SPOCK3: variants seen among roughly 807,000 people sequenced by gnomAD.
The protein encoded by SPOCK3 is testican-3.
Under a neutral mutation model 56.6 loss-of-function variants are expected in SPOCK3, and 30 were observed. The ratio of observed to expected loss-of-function variants is 0.53; its 90% CI spans 0.40 to 0.72. The LOEUF (loss-of-function observed/expected upper bound fraction) is 0.72, where lower values mean the gene tolerates loss of function less well. Ranked by LOEUF, SPOCK3 falls within the 30% of genes least tolerant of loss-of-function variation. The pLI is 0.00. For synonymous variants in SPOCK3, 196 were observed against 183.3 expected, an observed-to-expected ratio of 1.07 and a Z score of -0.56; for missense variants, 527 against 530.0, an observed-to-expected ratio of 0.99 and a Z score of 0.06.
chr4:167,055,725 T>C (rs1287484059), intron 3 of SPOCK3, among the ~76,000 whole-genome samples: 1 of 152,160 alleles, frequency 6.6e-6, no homozygotes, highest in Non-Finnish European at 1.5e-5. Flanking sequence ...GAGATCAAAC[T>C]GCAAGGCTGC....
At chr4:167,036,271 A>G (rs1752744320) in intron 3 of SPOCK3, among the ~76,000 whole-genome samples, 1 of 152,164 alleles carries the variant, frequency 6.6e-6, no homozygotes, top group Non-Finnish European at 1.5e-5. Flanking sequence ...TTGACTTCAC[A>G]GTGCCCTTAT....
At chr4:167,126,345 C>T (rs549458142) in intron 2 of SPOCK3, among the ~76,000 whole-genome samples, 3 of 150,366 alleles carry the variant, frequency 2.0e-5, no homozygotes, top group South Asian at 2.1e-4. Flanking sequence ...GTCAGGAGTT[C>T]GAGACCAGCC....
chr4:166,910,592 C>G (rs1459285759), intron 5 of SPOCK3, among the ~76,000 whole-genome samples: 1 of 152,060 alleles, frequency 6.6e-6, no homozygotes. Flanking sequence ...CAAGTCTTAT[C>G]AAGTAGAATT....
At chr4:167,128,375 C>A (rs1037051809) in intron 2 of SPOCK3, among the ~76,000 whole-genome samples, 1 of 152,286 alleles carries the variant, frequency 6.6e-6, no homozygotes. Context: ...GATCACTTAC[C>A]TCTCTTCTTA....
chr4:166,914,076 A>C (rs1737576969), intron 4 of SPOCK3, among the ~76,000 whole-genome samples: 1 of 151,610 alleles, frequency 6.6e-6, no homozygotes. Flanking sequence ...AAAAAAAAAA[A>C]ACCATTCTAC....
chr4:167,005,245 T>C (rs1365981410), intron 3 of SPOCK3, among the ~76,000 whole-genome samples: 1 of 152,022 alleles, frequency 6.6e-6, no homozygotes, highest in Non-Finnish European at 1.5e-5. Context: ...AGTCTCACTC[T>C]GTTGCCCAGG....
rs532152970 is a variant in SPOCK3, at chr4:166,772,107, T to C, written c.710-17378A>G. ...TAATCTCATTTTATTTTATAGTCAG[T>C]CTTAAAACCACATGAAGATAATGCT... is the stretch of plus-strand genomic sequence containing the variant. On this transcript the variant is annotated intron_variant, in intron 7 of 10. Transcript: ENST00000357545. Among the ~76,000 whole-genome samples the C allele has an allele frequency of 9.7e-4, 147 of 152,172 alleles. 1 individual carries two copies. In the Middle Eastern group the frequency reaches 0.014, roughly 14 times the overall value.
At chr4:167,092,574 A>G (rs1202409590) in intron 2 of SPOCK3, among the ~76,000 whole-genome samples, 1 of 152,226 alleles carries the variant, frequency 6.6e-6, no homozygotes, top group African/African-American at 2.4e-5. Context: ...ATTGAGAACA[A>G]TGATAACTTG....
chr4:166,925,986 T>A (rs1739051539), intron 4 of SPOCK3, among the ~76,000 whole-genome samples: 1 of 152,166 alleles, frequency 6.6e-6, no homozygotes, highest in South Asian at 2.1e-4. Flanking sequence ...TCAAATAAAC[T>A]TCTTCTCTAA....
Position 166,777,516 on chromosome 4 carries a change from C to G in SPOCK3, c.709+14654G>C, listed in dbSNP as rs113351490. The stretch of plus-strand genomic sequence containing the variant: ...TTCAAGCCCAGTGTGGTGGCTCAGG[C>G]CATTAATCCCAGCGCTTTGTGAGGC... On this transcript the variant is annotated intron_variant, in intron 7 of 10. Coordinates refer to ENST00000357545, the MANE Select transcript of SPOCK3 (RefSeq NM_001040159.2). Among the ~76,000 whole-genome samples the G allele has an allele frequency of 5.2e-3, 798 of 152,198 alleles. 16 individuals are homozygous for G. Among genetic ancestry groups the G allele is most frequent in the Admixed American group, 0.033 (510 of 15,272 alleles).
At chr4:167,059,337 C>T (rs1416935845) in intron 3 of SPOCK3, among the ~76,000 whole-genome samples, 1 of 152,118 alleles carries the variant, frequency 6.6e-6, no homozygotes, top group African/African-American at 2.4e-5. Context: ...AAAAAGTGGG[C>T]AAAGGACATG....
intron 6 of SPOCK3, among the ~76,000 whole-genome samples, chr4:166,845,398 G>A (rs1257778304): frequency 6.6e-6 from 1 of 151,924 alleles, no homozygotes; most frequent in East Asian, 1.9e-4. Flanking sequence ...ACACTTCCTT[G>A]TACAAAAAAA....
At chr4:166,945,470 G>A (rs1741613743) in intron 4 of SPOCK3, among the ~76,000 whole-genome samples, 1 of 151,896 alleles carries the variant, frequency 6.6e-6, no homozygotes, top group Admixed American at 6.6e-5. Context: ...TCTTTCATAT[G>A]TTATCTGTTA....
At chr4:167,196,734 T>C (rs780803070) in intron 2 of SPOCK3, among the ~76,000 whole-genome samples, 1 of 152,002 alleles carries the variant, frequency 6.6e-6, no homozygotes, top group Non-Finnish European at 1.5e-5. Flanking sequence ...TAGGAGTGAA[T>C]ACCTCATTTT....
At chr4:166,927,707 G>T (rs989017977) in intron 4 of SPOCK3, among the ~76,000 whole-genome samples, 7 of 152,090 alleles carry the variant, frequency 4.6e-5, no homozygotes, top group African/African-American at 1.7e-4. Flanking sequence ...TATGATCCAT[G>T]AAAGAAAGAA....
intron 2 of SPOCK3, among the ~76,000 whole-genome samples, chr4:167,190,526 A>G (rs985154046): frequency 6.9e-6 from 1 of 145,968 alleles, no homozygotes; most frequent in African/African-American, 2.6e-5. Flanking sequence ...TTAAGCCCTT[A>G]TCTGATTTAT....
intron 3 of SPOCK3, among the ~76,000 whole-genome samples, chr4:167,054,663 C>A (rs1339174109): frequency 6.6e-6 from 1 of 152,114 alleles, no homozygotes; most frequent in African/African-American, 2.4e-5. Context: ...TACTTAAGCT[C>A]ATTTGAAAAC....
At chr4:167,210,066 C>G (rs1734721186) in intron 2 of SPOCK3, among the ~76,000 whole-genome samples, 2 of 152,186 alleles carry the variant, frequency 1.3e-5, no homozygotes, top group African/African-American at 4.8e-5. Context: ...AAATCATCAG[C>G]TTAGCAGGTT....
At chr4:167,049,839 C>T (rs1045320666) in intron 3 of SPOCK3, among the ~76,000 whole-genome samples, 1 of 152,054 alleles carries the variant, frequency 6.6e-6, no homozygotes, top group African/African-American at 2.4e-5. Context: ...CCTTTAGCTG[C>T]CTGTGTTCAC....
Sources: gnomAD v4.1 joint callset for allele counts (sites outside exome capture counted in the v4.1 genomes callset) on GRCh38, gnomAD v4.1.1 for gene constraint, MANE v1.5 for transcripts, NCBI Gene and HGNC (gene_info 2026-07-23, HGNC 2026-07-21) for gene names.